The following CTNNA3 variants were observed in gnomAD, a reference collection of about 807,000 sequenced individuals.
CTNNA3 encodes catenin alpha-3.
In CTNNA3, 76 loss-of-function variants were observed where a neutral mutation model predicts 95.7. The ratio of observed to expected loss-of-function variants is 0.79; its 90% CI spans 0.66 to 0.96. CTNNA3 has a LOEUF of 0.96. Among genes scored for constraint, CTNNA3 ranks in the 40% least tolerant of loss-of-function variants. The pLI is 0.00. For synonymous variants in CTNNA3, 431 were observed against 374.4 expected (o/e 1.15, Z -1.74); for missense variants, 1,191 against 1,089.8 (o/e 1.09, Z -1.31).
intron 12 of CTNNA3, among the ~76,000 whole-genome samples, chr10:66,356,122 G>GTTTTTTTTTTTTTT (rs59366031): frequency 6.8e-5 from 8 of 117,226 alleles, no homozygotes; most frequent in East Asian, 5.8e-4. Context: ...TGCTTGTTTT[G>GTTTTTTTTTTTTTT]TTTTTTTTTT....
At chr10:66,377,326 A>T (rs1371054500) in intron 12 of CTNNA3, among the ~76,000 whole-genome samples, 1 of 152,140 alleles carries the variant, frequency 6.6e-6, no homozygotes, top group Non-Finnish European at 1.5e-5. Flanking sequence ...TTAAAATTAT[A>T]TACAACTAAT....
chr10:67,253,441 G>A (rs1016666613), intron 5 of CTNNA3, among the ~76,000 whole-genome samples: 21 of 152,210 alleles, frequency 1.4e-4, no homozygotes, highest in Admixed American at 1.4e-3. Flanking sequence ...TTTAGACCAT[G>A]CAAGTAGAAA....
intron 14 of CTNNA3, among the ~76,000 whole-genome samples, chr10:66,079,833 CATT>C (rs1156890480): frequency 1.3e-5 from 2 of 151,882 alleles, no homozygotes; most frequent in Admixed American, 6.6e-5. Context: ...AATCTATTCT[CATT>C]ATATTATTAA....
chr10:66,929,552 A>G (rs1847254900), intron 7 of CTNNA3, among the ~76,000 whole-genome samples: 1 of 152,166 alleles, frequency 6.6e-6, no homozygotes, highest in South Asian at 2.1e-4. Flanking sequence ...CGTGCCTTCC[A>G]CCCACAGCCT....
intron 15 of CTNNA3, among the ~76,000 whole-genome samples, chr10:66,010,024 G>A (rs1443300692): frequency 2.0e-5 from 3 of 152,180 alleles, no homozygotes; most frequent in African/African-American, 7.2e-5. Flanking sequence ...AAAGCATGTA[G>A]AGAAAAGATG....
At chr10:67,706,056 A>G (rs74142891) in intron 1 of CTNNA3, among the ~76,000 whole-genome samples, 147 of 152,218 alleles carry the variant, frequency 9.7e-4, no homozygotes, top group African/African-American at 3.3e-3. Context: ...CAGGGGAGGG[A>G]AATGCAGATG....
intron 16 of CTNNA3, among the ~76,000 whole-genome samples, chr10:65,974,054 C>T (rs949254204): frequency 1.3e-5 from 2 of 152,094 alleles, no homozygotes; most frequent in Non-Finnish European, 2.9e-5. Flanking sequence ...TATCTCACAC[C>T]AGTCAGAATG....
intron 7 of CTNNA3, among the ~76,000 whole-genome samples, chr10:66,818,097 A>G (rs1484884171): frequency 6.7e-6 from 1 of 148,880 alleles, no homozygotes; most frequent in East Asian, 1.9e-4. Context: ...TATTAACCAA[A>G]AAAAAAAAAA....
intron 12 of CTNNA3, among the ~76,000 whole-genome samples, chr10:66,372,918 A>T (rs1041230641): frequency 6.6e-6 from 1 of 152,126 alleles, no homozygotes; most frequent in Non-Finnish European, 1.5e-5. Flanking sequence ...TACAGTTCAA[A>T]ATGAGATTTG....
At chr10:67,523,508 C>T (rs1011269788) in intron 4 of CTNNA3, among the ~76,000 whole-genome samples, 29 of 152,110 alleles carry the variant, frequency 1.9e-4, no homozygotes, top group African/African-American at 6.5e-4. Context: ...TCTACTCTAT[C>T]CTTAACTCTA....
chr10:67,005,687 T>TTTTTTTTTTGTTTGTTTG (rs1554895957), intron 7 of CTNNA3, among the ~76,000 whole-genome samples: 1 of 102,258 alleles, frequency 9.8e-6, no homozygotes, highest in African/African-American at 3.1e-5. Flanking sequence ...TCCATCTTTT[T>TTTTTTTTTTGTTTGTTTG]TTTTTTTTTT....
chr10:66,296,692 T>C (rs903261314), intron 12 of CTNNA3, among the ~76,000 whole-genome samples: 3 of 152,158 alleles, frequency 2.0e-5, no homozygotes, highest in African/African-American at 2.4e-5. Flanking sequence ...ATACTGTTTA[T>C]AATCCAAGGG....
At position 66,318,318 on chromosome 10, in the gene CTNNA3, G is replaced by A. The variant is rs1013026073; in HGVS notation, c.1733-37697C>T. ...TGTGTGTGTGTGTGTATGTGTGCACGCGAATTTGGATAAGTGAGATTTTCT... is the reference window on the plus strand; with the variant it reads ...TGTGTGTGTGTGTGTATGTGTGCACACGAATTTGGATAAGTGAGATTTTCT... On this transcript the variant is annotated intron_variant, in intron 12 of 17. Coordinates refer to ENST00000433211, the MANE Select transcript of CTNNA3 (RefSeq NM_013266.4). Among the ~76,000 whole-genome samples, 13 of 144,706 alleles carry A rather than the reference G, an allele frequency of 9.0e-5. No individual in the cohort carries two copies. In the East Asian group the frequency reaches 1.6e-3, roughly 18 times the overall value. 94.9% of individuals were successfully genotyped at this position (144,706 alleles called of 152,430 possible). A position where few individuals can be genotyped will look rare whatever the true frequency, so the allele number is the denominator to read the frequency against.
intron 12 of CTNNA3, among the ~76,000 whole-genome samples, chr10:66,369,942 C>T (rs1417923596): frequency 1.3e-5 from 2 of 152,004 alleles, no homozygotes; most frequent in South Asian, 2.1e-4. Context: ...TGAGGAATCA[C>T]ATAAAAATTG....
At chr10:66,652,909 G>T (rs1845958744) in intron 9 of CTNNA3, among the ~76,000 whole-genome samples, 1 of 152,004 alleles carries the variant, frequency 6.6e-6, no homozygotes. Context: ...GTCCATGGAT[G>T]AAAAAAGCAT....
rs367968471 is a variant in CTNNA3, at chr10:65,994,037, TA to T, written c.2160-5241del. Reference sequence around the variant, plus strand: ...GTCTGAGTCACCAAGCTATATCTTTTAAGAGCAAAATTTAATCCATTTACCT... The same window carrying T: ...GTCTGAGTCACCAAGCTATATCTTTTAGAGCAAAATTTAATCCATTTACCT... On this transcript the variant is annotated intron_variant, in intron 15 of 17. Transcript: ENST00000433211. Among the ~76,000 whole-genome samples the T allele has an allele frequency of 5.1e-4, 78 of 152,302 alleles. 1 individual carries two copies. The highest frequency in any genetic ancestry group is 1.3e-3 in the African/African-American group (54 of 41,578).
chr10:66,401,037 C>T (rs576621321), intron 11 of CTNNA3, among the ~76,000 whole-genome samples: 5 of 152,158 alleles, frequency 3.3e-5, no homozygotes, highest in African/African-American at 1.2e-4. Context: ...TAAAGAGAGG[C>T]ATTAACATAT....
chr10:67,593,655 G>A (rs1842848091), intron 3 of CTNNA3, among the ~76,000 whole-genome samples: 2 of 152,108 alleles, frequency 1.3e-5, no homozygotes, highest in African/African-American at 4.8e-5. Context: ...AGGAGCCTCT[G>A]GGCAGAGACG....
chr10:67,003,747 T>A (rs1414325405), intron 7 of CTNNA3, among the ~76,000 whole-genome samples: 1 of 152,206 alleles, frequency 6.6e-6, no homozygotes, highest in Non-Finnish European at 1.5e-5. Context: ...AGAGACTAGT[T>A]AGATTCTGGC....
Sources: allele counts gnomAD v4.1 joint callset (sites outside exome capture counted in the v4.1 genomes callset), GRCh38; gene constraint gnomAD v4.1.1; transcripts MANE v1.5; gene names NCBI Gene and HGNC (gene_info 2026-07-23, HGNC 2026-07-21).